MADD: variants seen among roughly 807,000 people sequenced by gnomAD.
MADD encodes MAP kinase activating death domain, also known as MAP kinase-activating death domain protein.
MADD carries 109 observed loss-of-function variants against 176.7 expected under a neutral mutation model. That is an observed-to-expected ratio of 0.62 (90% CI 0.53 to 0.72). MADD has a LOEUF of 0.72. Ranked by LOEUF, MADD falls within the 30% of genes least tolerant of loss-of-function variation. The pLI, the probability that MADD is intolerant of heterozygous loss-of-function variation, is 0.00. For synonymous variants in MADD, 771 were observed against 771.3 expected, an observed-to-expected ratio of 1.00 and a Z score of 0.01; for missense variants, 1,914 against 2,045.5, an observed-to-expected ratio of 0.94 and a Z score of 1.24.
At chr11:47,308,864 C>T (rs2085441423) in intron 23 of MADD, 116 bp from the exon 26 acceptor site, 2 of 1,092,536 alleles carry the variant, frequency 1.8e-6, no homozygotes, top group East Asian at 2.4e-5. Context: ...CCAGAACAAG[C>T]AGTGGGTGAA....
intron 26 of MADD, among the ~76,000 whole-genome samples, chr11:47,312,068 A>T (rs1398567528): frequency 6.6e-6 from 1 of 152,160 alleles, no homozygotes; most frequent in Non-Finnish European, 1.5e-5. Flanking sequence ...GGTGAAAACG[A>T]TTTCAAATGA....
chr11:47,314,651 AAAG>A (rs2092076733), intron 26 of MADD, among the ~76,000 whole-genome samples: 1 of 152,198 alleles, frequency 6.6e-6, no homozygotes, highest in African/African-American at 2.4e-5. Context: ...GTGTAGTGTT[AAAG>A]AAGAATACGT....
At chr11:47,323,062 A>G (rs1412507210) in intron 27 of MADD, among the ~76,000 whole-genome samples, 1 of 151,980 alleles carries the variant, frequency 6.6e-6, no homozygotes, top group Non-Finnish European at 1.5e-5. Flanking sequence ...ACATGGTGAA[A>G]CCCTGTCTCT....
At position 47,325,950 on chromosome 11, in the gene MADD, C is replaced by T. The variant is rs144450374; in HGVS notation, c.4543-788C>T. Among the ~76,000 whole-genome samples, 134 of 152,290 alleles carry T rather than the reference C, an allele frequency of 8.8e-4. No individual in the cohort carries two copies. Among genetic ancestry groups the T allele is most frequent in the African/African-American group, 3.2e-3 (133 of 41,562 alleles). ...AGTTAGTAATGAGATAGCGACCTGC[C>T]CCCTATTCTGCCACACAGTGTTCAG... On this transcript the variant is annotated intron_variant, in intron 30 of 32. Transcript: ENST00000402192. The surrounding 1 kb of genome is among the most constrained non-coding windows in gnomAD (Gnocchi z 4.5).
At chr11:47,293,430 T>A (rs2138915582) in intron 19 of MADD, among the ~76,000 whole-genome samples, 1 of 151,626 alleles carries the variant, frequency 6.6e-6, no homozygotes, top group South Asian at 2.1e-4. Flanking sequence ...ACCTCCCGAG[T>A]AGCTGAGATT....
chr11:47,307,400 TAC>T (rs1358755575), intron 22 of MADD, among the ~76,000 whole-genome samples: 14 of 152,198 alleles, frequency 9.2e-5, no homozygotes, highest in Admixed American at 9.2e-4. Context: ...GGGCTCTTTA[TAC>T]AGAGCTGCTG....
rs1365903217 is a variant in MADD at position 47,275,894 on chromosome 11, C to T, written c.660-5C>T. ...TGTGTCTGATTCCTGCTGTCTGCTT[C>T]TCAGGGACACCATGTGGCGGATCTT... On this transcript the variant is annotated splice_polypyrimidine_tract_variant and splice_region_variant and intron_variant, in intron 3 of 32. Coordinates refer to ENST00000402192, the Ensembl canonical transcript of MADD. The T allele has an allele frequency of 3.1e-6, 5 of 1,601,164 alleles. No homozygotes were observed. Among genetic ancestry groups the T allele is most frequent in the Non-Finnish European group, 4.3e-6 (5 of 1,170,170 alleles).
At chr11:47,312,223 A>G (rs1490968564) in intron 26 of MADD, among the ~76,000 whole-genome samples, 1 of 152,116 alleles carries the variant, frequency 6.6e-6, no homozygotes, top group Non-Finnish European at 1.5e-5. Flanking sequence ...CCTTGCCTTC[A>G]TATACTCTCA....
intron 22 of MADD, among the ~76,000 whole-genome samples, chr11:47,306,841 C>G (rs764675098): frequency 1.3e-5 from 2 of 152,166 alleles, no homozygotes; most frequent in Non-Finnish European, 2.9e-5. Flanking sequence ...ATCTTGCTGA[C>G]ATTACTCCCC....
chr11:47,276,759 G>A, exon 5 of MADD: 1 of 1,614,146 alleles, frequency 6.2e-7, no homozygotes, highest in Non-Finnish European at 8.5e-7. Flanking sequence ...AGACTACAAT[G>A]CACTCTCCAT....
rs766215898 is a variant in MADD, at chr11:47,293,873, C to T, written c.3302-10C>T. On this transcript the variant is annotated splice_polypyrimidine_tract_variant and intron_variant, in intron 19 of 32. Coordinates refer to ENST00000402192, the Ensembl canonical transcript of MADD. The stretch of plus-strand genomic sequence containing the variant: ...TGTGCACGGAGTAACAGAAGTCTTC[C>T]CCTACTCAGGGCCTGAAGTAATCAA... The T allele has an allele frequency of 2.5e-6, 4 of 1,582,662 alleles. No homozygotes were observed. Among genetic ancestry groups the T allele is most frequent in the Non-Finnish European group, 3.5e-6 (4 of 1,151,382 alleles).
chr11:47,291,547 A>G (rs1220127075), intron 19 of MADD, among the ~76,000 whole-genome samples: 1 of 152,166 alleles, frequency 6.6e-6, no homozygotes. Context: ...CATGGCCATT[A>G]GCAGTTGCCA....
intron 22 of MADD, among the ~76,000 whole-genome samples, chr11:47,297,724 G>A (rs1565432554): frequency 6.6e-6 from 1 of 151,380 alleles, no homozygotes; most frequent in Admixed American, 6.6e-5. Context: ...GGGATTACAG[G>A]CGTGAGCCAC....
In MADD at chr11:47,295,592, C is replaced by T. The variant is rs779745442; in HGVS notation, c.3483+16C>T. The T allele has an allele frequency of 5.0e-6, 8 of 1,613,938 alleles. No individual in the cohort carries two copies. The highest frequency in any genetic ancestry group is 1.7e-5 in the Admixed American group (1 of 59,996). ...AGTTAGCACCGTGGTAGGGGAACAC[C>T]ACACTGGCATCTTGGTGGGTGGGGT... On this transcript the variant is annotated intron_variant, in intron 21 of 32. Coordinates refer to ENST00000402192, the Ensembl canonical transcript of MADD.
intron 22 of MADD, among the ~76,000 whole-genome samples, chr11:47,304,368 T>A (rs146805150): frequency 6.6e-6 from 1 of 152,022 alleles, no homozygotes; most frequent in African/African-American, 2.4e-5. Flanking sequence ...GTAGCTGGGA[T>A]TACAGGCATG....
At chr11:47,278,956 A>C (rs764055001) in intron 6 of MADD, 43 bp from the exon 7 acceptor site, 1 of 1,550,018 alleles carries the variant, frequency 6.5e-7, no homozygotes, top group Non-Finnish European at 8.9e-7. Context: ...ATTCCTGAGC[A>C]ATAAACTCTA....
At chr11:47,279,184 G>T (rs1022420017) in intron 7 of MADD, 105 bp downstream of exon 7, 1 of 1,097,662 alleles carries the variant, frequency 9.1e-7, no homozygotes, top group African/African-American at 1.6e-5. Context: ...TTCAAGTGGA[G>T]TAGTTTTCTT....
exon 3 of MADD, chr11:47,274,973 G>C: frequency 6.2e-7 from 1 of 1,614,106 alleles, no homozygotes; most frequent in Admixed American, 1.7e-5. Context: ...CAGTCTCCTC[G>C]GGGCAAACGC....
intron 2 of MADD, among the ~76,000 whole-genome samples, chr11:47,274,357 G>A (rs2047867894): frequency 1.3e-5 from 2 of 152,078 alleles, no homozygotes; most frequent in South Asian, 2.1e-4. Flanking sequence ...TCTCCCCTTC[G>A]TTTCAGAATA....
Sources: gnomAD v4.1 joint callset for allele counts (sites outside exome capture counted in the v4.1 genomes callset) on GRCh38, gnomAD v4.1.1 for gene constraint, Gnocchi (gnomAD v3.1) non-coding constraint, MANE v1.5 for transcripts, NCBI Gene and HGNC (gene_info 2026-07-23, HGNC 2026-07-21) for gene names.